Variants in CDH4 observed in about 807,000 individuals in gnomAD.
CDH4 encodes the protein cadherin 4.
CDH4 carries 33 observed loss-of-function variants against 86.0 expected under a neutral mutation model. That is an observed-to-expected ratio of 0.38 (90% CI 0.29 to 0.51). CDH4 has a LOEUF of 0.51. Ranked by LOEUF, CDH4 falls within the 20% of genes least tolerant of loss-of-function variation. The pLI, the probability that CDH4 is intolerant of heterozygous loss-of-function variation, is 0.86. For missense variants in CDH4, 1,114 were observed against 1,307.4 expected (o/e 0.85, Z 2.28); for synonymous variants, 555 against 549.4 (o/e 1.01, Z -0.14).
intron 8 of CDH4, among the ~76,000 whole-genome samples, chr20:61,908,088 G>A (rs879374543): frequency 2.6e-5 from 4 of 152,182 alleles, no homozygotes; most frequent in South Asian, 2.1e-4. Context: ...GCCCCAGGTC[G>A]AGGAGGCTGA....
intron 2 of CDH4, among the ~76,000 whole-genome samples, chr20:61,660,424 G>A (rs2087240278): frequency 6.6e-6 from 1 of 152,212 alleles, no homozygotes; most frequent in African/African-American, 2.4e-5. Flanking sequence ...GCCTCGAAGT[G>A]TTCATCATCG....
intron 2 of CDH4, among the ~76,000 whole-genome samples, chr20:61,418,727 G>A (rs927885449): frequency 6.6e-5 from 10 of 152,104 alleles, no homozygotes; most frequent in African/African-American, 2.4e-4. Context: ...TCTGGAGGCC[G>A]GAAGCCTGAG....
At chr20:61,520,069 C>T (rs11905748) in intron 2 of CDH4, among the ~76,000 whole-genome samples, 6,734 of 152,248 alleles carry the variant, frequency 0.044, 467 homozygotes, top group African/African-American at 0.15. Context: ...GATCTGCCTG[C>T]GGGTTTCTAC....
chr20:61,795,475 G>A (rs149927639), intron 4 of CDH4, among the ~76,000 whole-genome samples: 1,961 of 152,262 alleles, frequency 0.013, 23 homozygotes, highest in Non-Finnish European at 0.021. Flanking sequence ...TCATGGTGGC[G>A]TAAATGAGAC....
At chr20:61,498,418 ACACT>A (rs2085677813) in intron 2 of CDH4, among the ~76,000 whole-genome samples, 1 of 152,238 alleles carries the variant, frequency 6.6e-6, no homozygotes, top group African/African-American at 2.4e-5. Flanking sequence ...AATGCTATAC[ACACT>A]CAGATCAGAG....
At position 61,632,243 on chromosome 20, in the gene CDH4, T is replaced by C. The variant is rs566833880; in HGVS notation, c.170-111320T>C. Among the ~76,000 whole-genome samples, 4 of 152,300 alleles carry C rather than the reference T, an allele frequency of 2.6e-5. No individual in the cohort carries two copies. In the East Asian group the frequency reaches 7.7e-4, roughly 29 times the overall value. On this transcript the variant is annotated intron_variant, in intron 2 of 15. Transcript: ENST00000614565. ...CAGTGCAGGCTGTGAAGGAGCATGT[T>C]GGGATGGGGCTTGTTTGCTTGAAAA... is the stretch of plus-strand genomic sequence containing the variant.
intron 4 of CDH4, among the ~76,000 whole-genome samples, chr20:61,785,442 C>G (rs1978824073): frequency 6.6e-6 from 1 of 152,170 alleles, no homozygotes; most frequent in African/African-American, 2.4e-5. Context: ...TGGTGACCTG[C>G]TAGAGGCAGG....
At chr20:61,689,611 G>A (rs1372815889) in intron 2 of CDH4, among the ~76,000 whole-genome samples, 4 of 142,356 alleles carry the variant, frequency 2.8e-5, no homozygotes, top group East Asian at 4.4e-4. Context: ...GTGAAGTGAT[G>A]TGGAATCAGG....
At chr20:61,374,305 G>A (rs73134345) in intron 2 of CDH4, among the ~76,000 whole-genome samples, 22,528 of 152,198 alleles carry the variant, frequency 0.15, 2,045 homozygotes, top group Non-Finnish European at 0.2. Context: ...GGAAGGCTTC[G>A]CAGAGAAGGT....
intron 2 of CDH4, among the ~76,000 whole-genome samples, chr20:61,411,561 G>A (rs1286046015): frequency 6.6e-6 from 1 of 151,938 alleles, no homozygotes; most frequent in Non-Finnish European, 1.5e-5. Context: ...TGGGCACGTG[G>A]TGCTGTCTGC....
At position 61,905,806 on chromosome 20, in the gene CDH4, A is replaced by G. The variant is rs890487340; in HGVS notation, c.1189-4616A>G. Among the ~76,000 whole-genome samples, 11 of 152,240 alleles carry G rather than the reference A, an allele frequency of 7.2e-5. No homozygotes were observed. The South Asian group carries it at 2.1e-3, about 29-fold the overall frequency. ...TGGATATCTGGAAAATAAGGAAGGG[A>G]ATTCAGAAGGTGCAGGGGAACCAGG... On this transcript the variant is annotated intron_variant, in intron 8 of 15. Coordinates refer to ENST00000614565, the MANE Select transcript of CDH4 (RefSeq NM_001794.5).
At chr20:61,852,676 C>T in intron 5 of CDH4, 78 bp from the exon 6 acceptor site, 1 of 1,484,930 alleles carries the variant, frequency 6.7e-7, no homozygotes, top group South Asian at 1.3e-5. Context: ...CCTACCCCAG[C>T]ACCGCGGGTC....
chr20:61,586,237 C>T (rs139730324), intron 2 of CDH4, among the ~76,000 whole-genome samples: 3 of 150,602 alleles, frequency 2.0e-5, no homozygotes, highest in East Asian at 4.0e-4. Context: ...TGATCATGGT[C>T]ATGATGATGG....
At chr20:61,863,481 C>A (rs919712679) in intron 6 of CDH4, among the ~76,000 whole-genome samples, 1 of 152,236 alleles carries the variant, frequency 6.6e-6, no homozygotes, top group African/African-American at 2.4e-5. Flanking sequence ...CACTGGGTGA[C>A]CGTTCCTCGG....
chr20:61,654,232 G>C (rs945583505), intron 2 of CDH4, among the ~76,000 whole-genome samples: 1 of 152,180 alleles, frequency 6.6e-6, no homozygotes, highest in African/African-American at 2.4e-5. Context: ...AGACCAGCCC[G>C]GCCAACACAG....
At chr20:61,538,691 G>A (rs1400351277) in intron 2 of CDH4, among the ~76,000 whole-genome samples, 4 of 152,080 alleles carry the variant, frequency 2.6e-5, no homozygotes, top group African/African-American at 9.7e-5. Context: ...CCAGGAGGGT[G>A]GATGGGACAC....
At chr20:61,724,449 C>G (rs951696142) in intron 2 of CDH4, among the ~76,000 whole-genome samples, 3 of 152,224 alleles carry the variant, frequency 2.0e-5, no homozygotes, top group Non-Finnish European at 4.4e-5. Context: ...AGTGAGAAAG[C>G]TCAGCCCTGC....
At chr20:61,661,518 T>G (rs1410593892) in intron 2 of CDH4, among the ~76,000 whole-genome samples, 1 of 139,600 alleles carries the variant, frequency 7.2e-6, no homozygotes, top group East Asian at 2.1e-4. Context: ...CAGAGTTGGG[T>G]CTATAAAGAA....
Position 61,294,896 on chromosome 20 carries a change from G to A in CDH4, c.169+39959G>A, listed in dbSNP as rs148986900. On this transcript the variant is annotated intron_variant, in intron 2 of 15. Coordinates refer to ENST00000614565, the MANE Select transcript of CDH4 (RefSeq NM_001794.5). ...ACCTGGCTGGTGCATCGGGCACAGGGTCACCCACTGATCCCAAACCCCACC... is the reference window on the plus strand; with the variant it reads ...ACCTGGCTGGTGCATCGGGCACAGGATCACCCACTGATCCCAAACCCCACC... Among the ~76,000 whole-genome samples, 1,227 of 152,314 alleles carry A rather than the reference G, an allele frequency of 8.1e-3. 19 individuals are homozygous for A. The highest frequency in any genetic ancestry group is 0.028 in the African/African-American group (1,165 of 41,576).
Sources: allele counts gnomAD v4.1 joint callset (sites outside exome capture counted in the v4.1 genomes callset), GRCh38; gene constraint gnomAD v4.1.1; transcripts MANE v1.5; gene names NCBI Gene and HGNC (gene_info 2026-07-23, HGNC 2026-07-21).